Variants in RTN4RL1 observed in about 807,000 individuals in gnomAD.
RTN4RL1 encodes reticulon-4 receptor-like 1.
A neutral mutation model predicts 25.6 loss-of-function variants in RTN4RL1; 7 were observed. The ratio of observed to expected loss-of-function variants is 0.27; its 90% confidence interval spans 0.16 to 0.51. The LOEUF is 0.51. Among genes scored for constraint, RTN4RL1 ranks in the 20% least tolerant of loss-of-function variants. The pLI is 0.97. For missense variants in RTN4RL1, 500 were observed against 615.6 expected (o/e 0.81, Z 1.99); for synonymous variants, 297 against 288.2 (o/e 1.03, Z -0.31).
At chr17:1,963,477 C>T (rs2066775015) in intron 1 of RTN4RL1, among the ~76,000 whole-genome samples, 1 of 152,246 alleles carries the variant, frequency 6.6e-6, no homozygotes, top group Non-Finnish European at 1.5e-5. Context: ...CAGGCCTGTC[C>T]AGGCTGCCTC....
At chr17:1,975,979 G>A (rs954427014) in intron 1 of RTN4RL1, among the ~76,000 whole-genome samples, 2 of 152,194 alleles carry the variant, frequency 1.3e-5, no homozygotes, top group Admixed American at 6.5e-5. Context: ...TCCCTGCAGA[G>A]AGCAGGTCTT....
intron 1 of RTN4RL1, among the ~76,000 whole-genome samples, chr17:1,941,640 G>A (rs1408235106): frequency 3.9e-5 from 6 of 152,122 alleles, no homozygotes; most frequent in Admixed American, 6.5e-5. Flanking sequence ...AGTGCTCACC[G>A]ACCTTGGGTA....
chr17:1,970,727 G>T (rs1245457452), intron 1 of RTN4RL1, among the ~76,000 whole-genome samples: 1 of 152,156 alleles, frequency 6.6e-6, no homozygotes, highest in Non-Finnish European at 1.5e-5. Context: ...CCGACAGATG[G>T]ACAGAAGGGC....
At chr17:1,992,206 T>C (rs1202563957) in intron 1 of RTN4RL1, among the ~76,000 whole-genome samples, 5 of 151,196 alleles carry the variant, frequency 3.3e-5, no homozygotes, top group African/African-American at 1.2e-4. Flanking sequence ...CTACTAAAAA[T>C]ACAAAAAATT....
intron 1 of RTN4RL1, among the ~76,000 whole-genome samples, chr17:2,016,597 C>A (rs971702791): frequency 3.9e-5 from 6 of 152,244 alleles, no homozygotes; most frequent in Non-Finnish European, 5.9e-5. Flanking sequence ...AAGGGCAAAG[C>A]CAGGGTTGCA....
At chr17:2,012,214 G>T (rs958107666) in intron 1 of RTN4RL1, among the ~76,000 whole-genome samples, 1 of 152,202 alleles carries the variant, frequency 6.6e-6, no homozygotes, top group Non-Finnish European at 1.5e-5. Flanking sequence ...AAACACATCT[G>T]CCAAGTACAA....
intron 1 of RTN4RL1, among the ~76,000 whole-genome samples, chr17:1,989,351 T>G (rs2066900078): frequency 6.6e-6 from 1 of 152,020 alleles, no homozygotes; most frequent in South Asian, 2.1e-4. Flanking sequence ...GGCTTTTTTT[T>G]TTTTGGAAGG....
chr17:1,951,655 G>A (rs905982440), intron 1 of RTN4RL1, among the ~76,000 whole-genome samples: 1 of 152,120 alleles, frequency 6.6e-6, no homozygotes, highest in African/African-American at 2.4e-5. Context: ...TTCACCACAT[G>A]TTGGTCAGGC....
intron 1 of RTN4RL1, among the ~76,000 whole-genome samples, chr17:1,939,864 C>T (rs1056067078): frequency 2.0e-5 from 3 of 152,190 alleles, no homozygotes; most frequent in African/African-American, 7.2e-5. Context: ...CAGCCATCTC[C>T]TCCCTACCCA....
intron 1 of RTN4RL1, among the ~76,000 whole-genome samples, chr17:1,974,401 C>A (rs376511423): frequency 2.6e-5 from 4 of 152,184 alleles, no homozygotes; most frequent in African/African-American, 7.2e-5. Context: ...AAAAACAGAA[C>A]AAACCCTCCA....
In RTN4RL1 at chr17:1,935,601, G is replaced by A. The variant is rs1206584743; in HGVS notation, c.*895C>T. 7.1e-6 allele frequency: 7 copies of A among 983,944 alleles called. No individual in the cohort carries two copies. Among genetic ancestry groups the A allele is most frequent in the Non-Finnish European group, 7.2e-6 (6 of 828,884 alleles). 61.0% of individuals were successfully genotyped at this position (983,944 alleles called of 1,614,324 possible). A position where few individuals can be genotyped will look rare whatever the true frequency, so the allele number is the denominator to read the frequency against. ...AAATTCTATCACTTTGTTTTTGCTA[G>A]AAATCACCAATACAATCCTTAGTTC... On this transcript the variant is annotated 3_prime_UTR_variant, in exon 2 of 2. Transcript: ENST00000331238.
rs569269987 is a variant in RTN4RL1 at position 1,959,652 on chromosome 17, C to T, written c.14-21844G>A. Among the ~76,000 whole-genome samples, 6 of 152,160 alleles carry T rather than the reference C, an allele frequency of 3.9e-5. No homozygotes were observed. In the East Asian group the frequency reaches 1.2e-3, roughly 29 times the overall value. ...CGATCTCGGCTCACTGCAACCTCCA[C>T]CTCCCATGTTCAAACGATTCTCACA... On this transcript the variant is annotated intron_variant, in intron 1 of 1. Coordinates refer to ENST00000331238, the MANE Select transcript of RTN4RL1 (RefSeq NM_178568.4).
chr17:1,983,896 T>G (rs1431906613), intron 1 of RTN4RL1, among the ~76,000 whole-genome samples: 1 of 152,034 alleles, frequency 6.6e-6, no homozygotes. Context: ...CACAAAACCT[T>G]TAGGCTCCAC....
intron 1 of RTN4RL1, chr17:2,020,188 T>C (rs2067182759): frequency 6.6e-6 from 1 of 152,218 alleles, no homozygotes; most frequent in African/African-American, 2.4e-5. Context: ...ATTTGACTTC[T>C]GCACCTGGAT....
intron 1 of RTN4RL1, among the ~76,000 whole-genome samples, chr17:1,950,055 G>T (rs1345159784): frequency 6.6e-6 from 1 of 152,186 alleles, no homozygotes; most frequent in Non-Finnish European, 1.5e-5. Context: ...CACCAGAAAG[G>T]GTTTGGATCT....
At chr17:1,965,111 T>C (rs2066784668) in intron 1 of RTN4RL1, among the ~76,000 whole-genome samples, 2 of 137,344 alleles carry the variant, frequency 1.5e-5, no homozygotes, top group African/African-American at 5.3e-5. Flanking sequence ...CTTTTCTTTC[T>C]TTCTTTTTTT....
At chr17:1,939,069 A>T (rs1193497166) in intron 1 of RTN4RL1, among the ~76,000 whole-genome samples, 2 of 150,650 alleles carry the variant, frequency 1.3e-5, no homozygotes, top group East Asian at 3.9e-4. Context: ...AAATAAAATA[A>T]AGGCCGGGAG....
chr17:1,953,453 A>AATGATGAGT (rs1270002463), intron 1 of RTN4RL1, among the ~76,000 whole-genome samples: 4 of 152,164 alleles, frequency 2.6e-5, no homozygotes, highest in African/African-American at 9.7e-5. Flanking sequence ...ACCTAATGTA[A>AATGATGAGT]ATGATGAGTT....
intron 1 of RTN4RL1, among the ~76,000 whole-genome samples, chr17:1,940,551 G>GCCACC (rs1366672045): frequency 1.3e-5 from 2 of 152,162 alleles, no homozygotes; most frequent in Non-Finnish European, 2.9e-5. Flanking sequence ...AGGAGACCCA[G>GCCACC]CCTGCAGGGG....
Sources: allele counts gnomAD v4.1 joint callset (sites outside exome capture counted in the v4.1 genomes callset), GRCh38; gene constraint gnomAD v4.1.1; transcripts MANE v1.5; gene names NCBI Gene and HGNC (gene_info 2026-07-23, HGNC 2026-07-21).